The following ACSM3 variants were observed in gnomAD, a reference collection of about 807,000 sequenced individuals.
ACSM3 encodes acyl-coenzyme A synthetase ACSM3, mitochondrial.
Under a neutral mutation model 74.1 loss-of-function variants are expected in ACSM3, and 61 were observed. That is an observed-to-expected ratio of 0.82 (90% confidence interval 0.67 to 1.02). The LOEUF is 1.02. Ranked by LOEUF, ACSM3 falls within the 50% of genes least tolerant of loss-of-function variation. The probability of loss-of-function intolerance (pLI) is 0.00; values close to 1 mark genes in which losing one functional copy is unlikely to be tolerated. For missense variants in ACSM3, 660 were observed against 697.0 expected (o/e 0.95, Z 0.60); for synonymous variants, 213 against 241.5 (o/e 0.88, Z 1.09).
chr16:20,721,025 A>T (rs867958518), intron 1 of ACSM3: 3 of 152,222 alleles, frequency 2.0e-5, no homozygotes, highest in Admixed American at 6.5e-5. Context: ...GGTACTATAG[A>T]CAGCTGTTAA....
At chr16:20,676,340 G>A (rs1343618680) in intron 1 of ACSM3, among the ~76,000 whole-genome samples, 1 of 152,156 alleles carries the variant, frequency 6.6e-6, no homozygotes, top group Non-Finnish European at 1.5e-5. Context: ...AAAGAAAAAG[G>A]CAACCAATAT....
chr16:20,686,969 A>G lies in ACSM3; in HGVS notation c.-190+12147A>G, dbSNP rs1249003795. Among the ~76,000 whole-genome samples the G allele has an allele frequency of 1.1e-4, 16 of 148,184 alleles. No homozygotes were observed. The East Asian group carries it at 3.4e-3, about 31-fold the overall frequency. ...AAAAGCCATACTCAAAATGGTAGAA[A>G]ATTTTGTGATTTTTTTTTTTTTTTT... On this transcript the variant is annotated intron_variant, in intron 1 of 3. Coordinates refer to the ACSM3 transcript ENST00000561584.
In ACSM3 at chr16:20,770,253, G is replaced by T. The variant is rs201121017; in HGVS notation, c.219G>T (p.Lys73Asn). ...TGGACCAATGGACTGATAAGGAAAA[G>T]GTATGGGGGGAGGGCCAGTCAGACC... ...DVLDQWTDKEKAGKKPSNPAF... is the reference protein window; with the variant it reads ...DVLDQWTDKENAGKKPSNPAF... The change falls in exon 2 of 14, where the codon AAG (lysine) becomes AAT (asparagine). Residue 73 changes from lysine (K) to asparagine (N), a missense_variant and splice_region_variant. Transcript: ENST00000289416. 3.5e-5 allele frequency: 56 copies of T among 1,613,380 alleles called. No homozygotes were observed. In the Admixed American group the frequency reaches 5.2e-4, roughly 15 times the overall value.
chr16:20,677,503 C>T (rs943559234), intron 1 of ACSM3, among the ~76,000 whole-genome samples: 19 of 152,194 alleles, frequency 1.2e-4, no homozygotes, highest in African/African-American at 4.3e-4. Flanking sequence ...ACCCTAAACC[C>T]GGCTACCTTG....
intron 1 of ACSM3, among the ~76,000 whole-genome samples, chr16:20,678,979 T>C (rs998063577): frequency 6.6e-6 from 1 of 152,118 alleles, no homozygotes; most frequent in African/African-American, 2.4e-5. Context: ...AGACTTTAAG[T>C]ATGGCCATGC....
At chr16:20,731,401 C>T (rs545939426) in intron 1 of ACSM3, 73 of 164,822 alleles carry the variant, frequency 4.4e-4, no homozygotes, top group Non-Finnish European at 2.8e-4. Context: ...ACTTAGCTTT[C>T]TTGAACCGCT....
intron 1 of ACSM3, among the ~76,000 whole-genome samples, chr16:20,692,332 T>C (rs909910993): frequency 2.0e-5 from 3 of 152,164 alleles, no homozygotes; most frequent in Non-Finnish European, 2.9e-5. Context: ...ATTTAAGAAC[T>C]GTGTTGGCTT....
intron 1 of ACSM3, chr16:20,685,494 G>A (rs992082723): frequency 8.3e-7 from 1 of 1,206,086 alleles, no homozygotes; most frequent in Non-Finnish European, 1.2e-6. Flanking sequence ...ACGTTCCAAT[G>A]TGAACACAGC....
At chr16:20,704,319 A>G (rs1434934716) in intron 1 of ACSM3, among the ~76,000 whole-genome samples, 1 of 152,196 alleles carries the variant, frequency 6.6e-6, no homozygotes, top group African/African-American at 2.4e-5. Flanking sequence ...GAGAATATTG[A>G]CATTCAAGAT....
At chr16:20,702,410 C>T (rs951653361) in intron 1 of ACSM3, among the ~76,000 whole-genome samples, 2 of 152,182 alleles carry the variant, frequency 1.3e-5, no homozygotes, top group Non-Finnish European at 2.9e-5. Flanking sequence ...GATGGGGTTT[C>T]ACCATGTTAG....
rs753432892 is a variant in ACSM3 at position 20,775,945 on chromosome 16, A to G, written c.326A>G (p.Asn109Ser). ...GGATCTCTGTCCAGAAAATTTGCCA[A>G]TATACTTTCAGAAGCCTGTTCCCTA... ...ELGSLSRKFA[N>S]ILSEACSLQR... is the part of the protein sequence containing the mutation. Residue 109 changes from asparagine (N) to serine (S), a missense_variant, in exon 3 of 14, where the codon AAT (asparagine) becomes AGT (serine). Asn to Ser is a conservative substitution (Grantham distance 46, BLOSUM62 1). Transcript: ENST00000289416. 1.9e-6 allele frequency: 3 copies of G among 1,614,172 alleles called. No homozygotes were observed. The highest frequency in any genetic ancestry group is 1.7e-6 in the Non-Finnish European group (2 of 1,180,026).
intron 1 of ACSM3, among the ~76,000 whole-genome samples, chr16:20,686,575 C>T (rs1411016541): frequency 6.6e-6 from 1 of 152,112 alleles, no homozygotes; most frequent in African/African-American, 2.4e-5. Context: ...CACCATGACA[C>T]GCATATACCT....
At chr16:20,781,842 A>G (rs1334027297) in intron 7 of ACSM3, 55 bp downstream of exon 7, 5 of 1,368,770 alleles carry the variant, frequency 3.7e-6, no homozygotes, top group Non-Finnish European at 5.2e-6. Context: ...AGAGGAAGCT[A>G]TAAAATAAAA....
chr16:20,724,114 C>T (rs2079796328), intron 1 of ACSM3, among the ~76,000 whole-genome samples: 1 of 152,084 alleles, frequency 6.6e-6, no homozygotes, highest in Admixed American at 6.5e-5. Context: ...GCCAGTTTTC[C>T]CAGCACCATT....
rs771689378 is a variant in ACSM3, at chr16:20,780,688, C to T, written c.639-26C>T. On this transcript the variant is annotated intron_variant, in intron 4 of 13. Transcript: ENST00000289416. ...AGTCTGTGATGCTGTGTTTAACATG[C>T]AGTCATTGTAGTTTTTCCTTTGCAG... The T allele has an allele frequency of 2.0e-5, 33 of 1,614,038 alleles. No homozygotes were observed. The Admixed American group carries it at 4.3e-4, about 21-fold the overall frequency.
At chr16:20,779,402 TGAGA>T (rs917703546) in intron 4 of ACSM3, among the ~76,000 whole-genome samples, 3 of 141,868 alleles carry the variant, frequency 2.1e-5, no homozygotes, top group Non-Finnish European at 4.5e-5. Context: ...CCAGCCTGGG[TGAGA>T]GAGAGAGAAA....
At chr16:20,739,029 C>T (rs1486658306) in intron 1 of ACSM3, 2 of 1,614,188 alleles carry the variant, frequency 1.2e-6, no homozygotes, top group East Asian at 2.2e-5. Context: ...GCATCATCAT[C>T]CTCTCCCTCA....
chr16:20,758,019 C>A (rs1449946865), intron 3 of ACSM3, among the ~76,000 whole-genome samples: 1 of 152,068 alleles, frequency 6.6e-6, no homozygotes, highest in Non-Finnish European at 1.5e-5. Context: ...TTTTGATGTG[C>A]TGCTGGATTC....
Position 20,792,354 on chromosome 16 carries a change from G to C in ACSM3, c.1554+19G>C. On this transcript the variant is annotated intron_variant, in intron 12 of 13. Coordinates refer to ENST00000289416, the MANE Select transcript of ACSM3 (RefSeq NM_005622.4). ...AGGAGAGGTAAAAGAACTGATTCAT[G>C]TCAACTTTATAATTTGTTGGCAATT... is the stretch of plus-strand genomic sequence containing the variant. 6.2e-7 allele frequency: 1 copy of C among 1,613,008 alleles called. No homozygotes were observed. Among genetic ancestry groups the C allele is most frequent in the Non-Finnish European group, 8.5e-7 (1 of 1,179,126 alleles).
Sources: allele counts gnomAD v4.1 joint callset (sites outside exome capture counted in the v4.1 genomes callset), GRCh38; gene constraint gnomAD v4.1.1; transcripts MANE v1.5; gene names NCBI Gene and HGNC (gene_info 2026-07-23, HGNC 2026-07-21).